The following PCDHA3 variants were observed in gnomAD, a reference collection of about 807,000 sequenced individuals.
PCDHA3 encodes protocadherin alpha 3, also known as protocadherin alpha-3.
A neutral mutation model predicts 62.2 loss-of-function variants in PCDHA3; 41 were observed. The observed-to-expected ratio is 0.66, with a 90% CI of 0.51 to 0.86. PCDHA3 has a LOEUF of 0.86. PCDHA3 is among the 40% of genes least tolerant of loss of function. The probability of loss-of-function intolerance (pLI) is 0.00; values close to 1 mark genes in which losing one functional copy is unlikely to be tolerated. For synonymous variants in PCDHA3, 640 were observed against 555.4 expected, an observed-to-expected ratio of 1.15 and a Z score of -2.14; for missense variants, 1,304 against 1,241.2, an observed-to-expected ratio of 1.05 and a Z score of -0.76.
At chr5:140,905,130 G>A (rs2071615464) in intron 1 of PCDHA3, among the ~76,000 whole-genome samples, 1 of 152,178 alleles carries the variant, frequency 6.6e-6, no homozygotes, top group African/African-American at 2.4e-5. Flanking sequence ...GTCTAGAAGA[G>A]TTTTTCTGCT....
chr5:140,855,049 C>G (rs188702829), intron 1 of PCDHA3, among the ~76,000 whole-genome samples: 3 of 149,820 alleles, frequency 2.0e-5, no homozygotes, highest in South Asian at 2.1e-4. Context: ...TGTAATAGTA[C>G]TTTTCTGTTT....
At chr5:140,836,210 TG>T (rs1340323722) in intron 1 of PCDHA3, 1 of 1,613,654 alleles carries the variant, frequency 6.2e-7, no homozygotes, top group Admixed American at 1.7e-5. Context: ...GGCTTTCGTA[TG>T]AGTTGCAACC....
intron 1 of PCDHA3, chr5:140,848,328 G>C (rs1554142059): frequency 1.2e-6 from 1 of 817,064 alleles, no homozygotes; most frequent in African/African-American, 1.7e-5. Context: ...TGTTCTCTCT[G>C]AATCCAGACA....
At chr5:141,006,774 A>G (rs1435816376) in intron 3 of PCDHA3, among the ~76,000 whole-genome samples, 8 of 152,172 alleles carry the variant, frequency 5.3e-5, no homozygotes, top group Admixed American at 3.3e-4. Flanking sequence ...AGAATAGAGA[A>G]AAATGAATAA....
chr5:140,805,104 T>C, intron 1 of PCDHA3: 1 of 1,591,546 alleles, frequency 6.3e-7, no homozygotes, highest in East Asian at 2.2e-5. Context: ...CTTGAAACTA[T>C]TGTCTAACAA....
chr5:140,909,202 G>A (rs1849054), intron 1 of PCDHA3, among the ~76,000 whole-genome samples: 48,059 of 152,084 alleles, frequency 0.32, 7,957 homozygotes, highest in East Asian at 0.53. Context: ...ACACAAAGCC[G>A]GAGAGTTGAT....
At chr5:140,833,066 C>T (rs2150205911) in intron 1 of PCDHA3, among the ~76,000 whole-genome samples, 8 of 152,126 alleles carry the variant, frequency 5.3e-5, no homozygotes, top group Non-Finnish European at 8.8e-5. Context: ...TGAGAAAAAC[C>T]TTTTGTATAA....
chr5:140,987,011 C>T (rs1266225593), intron 3 of PCDHA3, among the ~76,000 whole-genome samples: 2 of 152,104 alleles, frequency 1.3e-5, no homozygotes, highest in African/African-American at 4.8e-5. Context: ...GTCATGAGTT[C>T]GAGACCAGCC....
intron 1 of PCDHA3, among the ~76,000 whole-genome samples, chr5:140,946,634 A>ATAT (rs1554217761): frequency 1.4e-5 from 2 of 147,350 alleles, no homozygotes; most frequent in Non-Finnish European, 3.0e-5. Context: ...ATATATATAC[A>ATAT]ATGGAATACT....
At chr5:140,967,972 G>A (rs781888174) in intron 1 of PCDHA3, 88 of 1,614,072 alleles carry the variant, frequency 5.5e-5, no homozygotes, top group Non-Finnish European at 7.3e-5. Flanking sequence ...AAGTGAGCCT[G>A]GGTCTGGAGG....
At chr5:140,830,341 C>T (rs1554132760) in intron 1 of PCDHA3, 11 of 1,613,972 alleles carry the variant, frequency 6.8e-6, no homozygotes, top group Admixed American at 1.7e-5. Flanking sequence ...GCTGGTCGTA[C>T]TCGCAGCAGA....
intron 1 of PCDHA3, chr5:140,849,576 G>T (rs2150441030): frequency 6.3e-7 from 1 of 1,598,698 alleles, no homozygotes; most frequent in East Asian, 2.2e-5. Context: ...TCCTGTAAAA[G>T]AGGACGCACA....
At chr5:140,951,395 G>A (rs1036290024) in intron 1 of PCDHA3, among the ~76,000 whole-genome samples, 1 of 152,030 alleles carries the variant, frequency 6.6e-6, no homozygotes, top group African/African-American at 2.4e-5. Flanking sequence ...AATTTATAAA[G>A]AAAAGAGGTT....
intron 1 of PCDHA3, chr5:140,829,463 C>G (rs1245659020): frequency 6.2e-7 from 1 of 1,613,756 alleles, no homozygotes; most frequent in Non-Finnish European, 8.5e-7. Context: ...GTTCGCGCAG[C>G]CCGAGTACAC....
rs1554262551 is a variant in PCDHA3, at chr5:141,009,910, C to T, written c.2826C>T (p.Asn942=). 1 of 1,612,616 alleles carries T rather than the reference C, an allele frequency of 6.2e-7. No individual in the cohort carries two copies. Among genetic ancestry groups the T allele is most frequent in the Middle Eastern group, 1.7e-4 (1 of 6,048 alleles). Residue 942 remains asparagine (N), a synonymous_variant, in exon 4 of 4, where the codon AAC becomes AAT. Transcript: ENST00000522353. ...NKTQEKKEKG[N]STTDNSDQ Reference sequence around the variant, plus strand: ...CCCAGGAGAAAAAAGAGAAAGGGAACAGCACGACTGACAACAGTGACCAGT... The same window carrying T: ...CCCAGGAGAAAAAAGAGAAAGGGAATAGCACGACTGACAACAGTGACCAGT...
chr5:140,916,367 C>G (rs1400347792), intron 1 of PCDHA3, among the ~76,000 whole-genome samples: 1 of 152,196 alleles, frequency 6.6e-6, no homozygotes, highest in Non-Finnish European at 1.5e-5. Flanking sequence ...GAGTCTTTCA[C>G]TGTAGCCACC....
intron 1 of PCDHA3, chr5:140,807,885 T>G: frequency 6.2e-7 from 1 of 1,614,096 alleles, no homozygotes; most frequent in Non-Finnish European, 8.5e-7. Context: ...ATCACAGTAC[T>G]GGATGCCAAT....
At chr5:140,813,728 G>C (rs1765368616) in intron 1 of PCDHA3, 1 of 152,332 alleles carries the variant, frequency 6.6e-6, no homozygotes, top group South Asian at 2.1e-4. Context: ...GGTCATGGTG[G>C]CTCATGCCTG....
At chr5:140,830,106 G>C (rs150521839) in intron 1 of PCDHA3, 22 of 1,613,500 alleles carry the variant, frequency 1.4e-5, no homozygotes, top group Non-Finnish European at 1.8e-5. Context: ...CTGGTGGAGA[G>C]TGGCCAGGCT....
Sources: allele counts gnomAD v4.1 joint callset (sites outside exome capture counted in the v4.1 genomes callset), GRCh38; gene constraint gnomAD v4.1.1; transcripts MANE v1.5; gene names NCBI Gene and HGNC (gene_info 2026-07-23, HGNC 2026-07-21).